The following PCMT1 variants were observed in gnomAD, a reference collection of about 807,000 sequenced individuals.
PCMT1 encodes the protein protein-L-isoaspartate(D-aspartate) O-methyltransferase.
PCMT1 carries 9 observed loss-of-function variants against 29.2 expected under a neutral mutation model. The observed-to-expected ratio is 0.31, with a 90% CI of 0.19 to 0.54. PCMT1 has a LOEUF of 0.54. Among genes scored for constraint, PCMT1 ranks in the 20% least tolerant of loss-of-function variants. The probability of loss-of-function intolerance (pLI) is 0.95; values close to 1 mark genes in which losing one functional copy is unlikely to be tolerated. For synonymous variants in PCMT1, 98 were observed against 97.5 expected, an observed-to-expected ratio of 1.00 and a Z score of -0.03; for missense variants, 184 against 282.2, an observed-to-expected ratio of 0.65 and a Z score of 2.49.
chr6:149,782,889 G>A (rs1029776408), intron 3 of PCMT1, among the ~76,000 whole-genome samples: 5 of 152,112 alleles, frequency 3.3e-5, no homozygotes, highest in Non-Finnish European at 7.4e-5. Flanking sequence ...GGGTGCAGTG[G>A]CTGATGCGTG....
chr6:149,786,131 C>T (rs1473953843), intron 3 of PCMT1, among the ~76,000 whole-genome samples: 2 of 132,750 alleles, frequency 1.5e-5, no homozygotes, highest in African/African-American at 6.2e-5. Flanking sequence ...CGCCCCTCAC[C>T]TCCCGGACGG....
chr6:149,800,358 A>G (rs753424953), intron 6 of PCMT1, among the ~76,000 whole-genome samples: 13 of 152,082 alleles, frequency 8.5e-5, no homozygotes, highest in Non-Finnish European at 1.6e-4. Flanking sequence ...AATCCCAGCT[A>G]CTTGGGAGGC....
At chr6:149,775,294 T>TA (rs1209051475) in intron 3 of PCMT1, among the ~76,000 whole-genome samples, 1 of 152,174 alleles carries the variant, frequency 6.6e-6, no homozygotes, top group East Asian at 1.9e-4. Flanking sequence ...AATTGAATAG[T>TA]AATGTCTTCT....
At chr6:149,757,997 C>T (rs1786576704) in intron 1 of PCMT1, among the ~76,000 whole-genome samples, 1 of 152,100 alleles carries the variant, frequency 6.6e-6, no homozygotes, top group African/African-American at 2.4e-5. Flanking sequence ...ATTCTCGTGT[C>T]TTAGCCTCCC....
intron 1 of PCMT1, among the ~76,000 whole-genome samples, chr6:149,761,178 TACAC>T (rs77058597): frequency 4.7e-5 from 7 of 148,642 alleles, no homozygotes; most frequent in Admixed American, 1.3e-4. Flanking sequence ...AAACATGAAA[TACAC>T]ACACACACAC....
intron 1 of PCMT1, among the ~76,000 whole-genome samples, chr6:149,760,664 T>G (rs1421579177): frequency 6.6e-6 from 1 of 152,076 alleles, no homozygotes; most frequent in Non-Finnish European, 1.5e-5. Context: ...CCATCTTGGC[T>G]AACACTGTGA....
At position 149,790,015 on chromosome 6, in the gene PCMT1, T is replaced by C; in HGVS notation, c.254T>C (p.Val85Ala). Residue 85 changes from valine to alanine, a missense_variant, in exon 4 of 8, where the codon GTA becomes GCA. Coordinates refer to ENST00000464889, the MANE Select transcript of PCMT1 (RefSeq NM_001360452.2). ...CATGAAGGAGCTAAAGCTCTTGATGTAGGATCTGGAAGTGGAATCCTTACT... is the reference window on the plus strand; with the variant it reads ...CATGAAGGAGCTAAAGCTCTTGATGCAGGATCTGGAAGTGGAATCCTTACT... ...QLHEGAKALD[V>A]GSGSGILTAC... 1 of 1,612,584 alleles carries C rather than the reference T, an allele frequency of 6.2e-7. No individual in the cohort carries two copies. Among genetic ancestry groups the C allele is most frequent in the Non-Finnish European group, 8.5e-7 (1 of 1,179,380 alleles).
Position 149,756,290 on chromosome 6 carries a change from C to T in PCMT1, c.55+6334C>T, listed in dbSNP as rs553166620. On this transcript the variant is annotated intron_variant, in intron 1 of 7. Coordinates refer to ENST00000464889, the MANE Select transcript of PCMT1 (RefSeq NM_001360452.2). Reference sequence around the variant, plus strand: ...TGTAAATAATGAAATTATTTTCTATCTACAGCACCAGTTCTTAGCCACTAG... The same window carrying T: ...TGTAAATAATGAAATTATTTTCTATTTACAGCACCAGTTCTTAGCCACTAG... Among the ~76,000 whole-genome samples, 4 of 112,604 alleles carry T rather than the reference C, an allele frequency of 3.6e-5. No homozygotes were observed. The East Asian group carries it at 1.3e-3, about 37-fold the overall frequency. 73.9% of individuals were successfully genotyped at this position (112,604 alleles called of 152,430 possible). A position where few individuals can be genotyped will look rare whatever the true frequency, so the allele number is the denominator to read the frequency against.
intron 5 of PCMT1, among the ~76,000 whole-genome samples, chr6:149,793,948 A>G (rs1319983100): frequency 1.3e-5 from 2 of 152,104 alleles, no homozygotes; most frequent in African/African-American, 2.4e-5. Flanking sequence ...ACCTGTTCAG[A>G]TATTGGATTG....
intron 3 of PCMT1, among the ~76,000 whole-genome samples, chr6:149,778,417 TG>T (rs1787667482): frequency 6.7e-6 from 1 of 149,790 alleles, no homozygotes; most frequent in Admixed American, 6.7e-5. Context: ...TTAGTAGAGA[TG>T]GGATTTCACC....
chr6:149,800,263 C>T (rs995670952), intron 6 of PCMT1, among the ~76,000 whole-genome samples: 2 of 151,792 alleles, frequency 1.3e-5, no homozygotes, highest in Non-Finnish European at 2.9e-5. Flanking sequence ...GTTAGGAGTT[C>T]GAGACCAGCC....
chr6:149,782,674 T>G (rs923684855), intron 3 of PCMT1, among the ~76,000 whole-genome samples: 2 of 151,924 alleles, frequency 1.3e-5, no homozygotes. Context: ...GGAGAGAATT[T>G]GAGAATCAAC....
chr6:149,768,877 T>G (rs1314612708), intron 1 of PCMT1, among the ~76,000 whole-genome samples: 1 of 152,206 alleles, frequency 6.6e-6, no homozygotes, highest in Non-Finnish European at 1.5e-5. Flanking sequence ...TCCGCCTACC[T>G]CAGCCTCCCA....
intron 5 of PCMT1, chr6:149,795,783 GCCAAAGTATTCCT>G (rs1349246673): frequency 1.1e-5 from 2 of 179,804 alleles, no homozygotes; most frequent in Non-Finnish European, 2.3e-5. Context: ...AGGTGCTGCT[GCCAAAGTATTCCT>G]CCAGTAAAAT....
intron 4 of PCMT1, among the ~76,000 whole-genome samples, chr6:149,793,023 C>T (rs1788436134): frequency 1.3e-5 from 2 of 151,894 alleles, no homozygotes; most frequent in South Asian, 2.1e-4. Flanking sequence ...ATTAGCTGGG[C>T]ATGGTGGCGG....
At chr6:149,804,067 C>T (rs1330778762) in intron 7 of PCMT1, among the ~76,000 whole-genome samples, 7 of 111,994 alleles carry the variant, frequency 6.3e-5, no homozygotes, top group Admixed American at 5.4e-4. Flanking sequence ...GGTGACAGAG[C>T]GAGACTCTGT....
intron 2 of PCMT1, 57 bp from the exon 3 acceptor site, chr6:149,773,081 G>A: frequency 8.3e-7 from 1 of 1,203,468 alleles, no homozygotes. Flanking sequence ...AAGAAATTAT[G>A]TGAAATAGTA....
chr6:149,754,207 A>G (rs1786432582), intron 1 of PCMT1, among the ~76,000 whole-genome samples: 1 of 152,234 alleles, frequency 6.6e-6, no homozygotes, highest in African/African-American at 2.4e-5. Context: ...AAGAACCGAA[A>G]TTCAATTTTT....
intron 1 of PCMT1, among the ~76,000 whole-genome samples, chr6:149,751,573 C>A (rs1345442224): frequency 1.3e-5 from 2 of 151,182 alleles, no homozygotes; most frequent in Non-Finnish European, 2.9e-5. Flanking sequence ...CCTCCGCCTC[C>A]CAGGTTCAAA....
Sources: allele counts gnomAD v4.1 joint callset (sites outside exome capture counted in the v4.1 genomes callset), GRCh38; gene constraint gnomAD v4.1.1; transcripts MANE v1.5; gene names NCBI Gene and HGNC (gene_info 2026-07-23, HGNC 2026-07-21).